SCEL: variants seen among roughly 807,000 people sequenced by gnomAD.
SCEL encodes sciellin.
A neutral mutation model predicts 117.6 loss-of-function variants in SCEL; 113 were observed. The ratio of observed to expected loss-of-function variants is 0.96; its 90% confidence interval spans 0.83 to 1.12. The LOEUF is 1.12. Among genes scored for constraint, SCEL ranks in the 50% most tolerant of loss-of-function variants. The pLI is 0.00. For missense variants in SCEL, 785 were observed against 810.8 expected, an observed-to-expected ratio of 0.97 and a Z score of 0.39; for synonymous variants, 270 against 256.2, an observed-to-expected ratio of 1.05 and a Z score of -0.51.
intron 30 of SCEL, among the ~76,000 whole-genome samples, chr13:77,640,140 C>CA (rs2090492059): frequency 6.6e-6 from 1 of 152,046 alleles, no homozygotes; most frequent in Non-Finnish European, 1.5e-5. Context: ...CTTACAGTGG[C>CA]ACCAAGAGGA....
chr13:77,564,236 A>G (rs948433713), intron 5 of SCEL, among the ~76,000 whole-genome samples: 2 of 148,692 alleles, frequency 1.3e-5, no homozygotes, highest in Admixed American at 6.7e-5. Context: ...TTGTTCCAAC[A>G]TTTGGTTCTT....
At chr13:77,589,099 A>AT (rs1371532134) in intron 9 of SCEL, 45 bp from the exon 10 acceptor site, 1 of 1,412,422 alleles carries the variant, frequency 7.1e-7, no homozygotes, top group Non-Finnish European at 1.0e-6. Context: ...GCTAAAATTT[A>AT]CCATGTTTCC....
intron 29 of SCEL, among the ~76,000 whole-genome samples, chr13:77,636,169 A>G (rs1469638791): frequency 1.3e-5 from 2 of 152,186 alleles, no homozygotes; most frequent in Admixed American, 6.6e-5. Flanking sequence ...TGGAGTCCCA[A>G]GAGTCATATT....
Position 77,556,059 on chromosome 13 carries a change from G to T in SCEL, c.43+141G>T, listed in dbSNP as rs534266187. The T allele has an allele frequency of 3.1e-4, 161 of 526,576 alleles. 2 individuals carry two copies. Among genetic ancestry groups the T allele is most frequent in the Non-Finnish European group, 3.3e-4 (101 of 301,572 alleles). 32.6% of individuals were successfully genotyped at this position (526,576 alleles called of 1,614,324 possible). On this transcript the variant is annotated intron_variant, in intron 2 of 32. Transcript: ENST00000349847. ...ATTAGCATTGCAAAGTTAGGCTTAAGAAAAAGTATACTTGTCGCAGCTTTT... is the reference window on the plus strand; with the variant it reads ...ATTAGCATTGCAAAGTTAGGCTTAATAAAAAGTATACTTGTCGCAGCTTTT...
intron 12 of SCEL, among the ~76,000 whole-genome samples, chr13:77,597,288 T>C (rs2087299135): frequency 6.6e-6 from 1 of 151,900 alleles, no homozygotes; most frequent in Non-Finnish European, 1.5e-5. Context: ...GTCACAGAAC[T>C]GTCATAAAGC....
chr13:77,601,458 C>T (rs1020101583), intron 15 of SCEL, among the ~76,000 whole-genome samples: 1 of 152,096 alleles, frequency 6.6e-6, no homozygotes, highest in African/African-American at 2.4e-5. Context: ...AATGGCAAAG[C>T]ATAATACTTG....
chr13:77,567,727 T>A lies in SCEL; in HGVS notation c.338T>A (p.Leu113Ter), dbSNP rs1051761885. 2 of 1,606,558 alleles carry A rather than the reference T, an allele frequency of 1.2e-6. No individual in the cohort carries two copies. The highest frequency in any genetic ancestry group is 1.7e-5 in the Admixed American group (1 of 58,628). The change falls in exon 6 of 33, where the codon TTG (leucine) becomes TAG (stop). Residue 113 changes from leucine to a stop codon, truncating the protein, a stop_gained. Coordinates refer to ENST00000349847, the MANE Select transcript of SCEL (RefSeq NM_144777.3). LOFTEE classifies it high-confidence loss of function. The part of the protein sequence containing the change: ...DAAKTYKANT[L>*]DNQLTNRSMS... Reference sequence around the variant, plus strand: ...GCTAAAACATATAAGGCCAATACCTTGGATAACCAACTAACCAATAGGTAC... The same window carrying A: ...GCTAAAACATATAAGGCCAATACCTAGGATAACCAACTAACCAATAGGTAC...
chr13:77,644,122 C>T, intron 32 of SCEL, 136 bp from the exon 33 acceptor site: 4 of 889,256 alleles, frequency 4.5e-6, no homozygotes, highest in East Asian at 2.6e-5. Flanking sequence ...AAAGCCACAG[C>T]GATTATTTCA....
rs2089147061 is a variant in SCEL, at chr13:77,617,580, A to G, written c.1452-19A>G. 1.3e-6 allele frequency: 2 copies of G among 1,515,216 alleles called. No individual in the cohort carries two copies. The highest frequency in any genetic ancestry group is 1.8e-6 in the Non-Finnish European group (2 of 1,104,950). The allele number at this position is 1,515,216 out of a possible 1,614,324, so 93.9% of individuals were successfully genotyped here. On this transcript the variant is annotated intron_variant, in intron 24 of 32. Coordinates refer to ENST00000349847, the MANE Select transcript of SCEL (RefSeq NM_144777.3). ...ATTATCTCTAACCCAAGTTGCTTTA[A>G]TATTTTTTCCACTTAAAGAAAACAA...
Position 77,599,756 on chromosome 13 carries a change from T to G in SCEL, c.917+8T>G. On this transcript the variant is annotated splice_region_variant and intron_variant, in intron 15 of 32. Transcript: ENST00000349847. ...AGATAAAGATGGCAAAGGGTAAGAT[T>G]TTATTAAGACAGACCATTTTGATTG... is the stretch of plus-strand genomic sequence containing the variant. 1 of 1,593,210 alleles carries G rather than the reference T, an allele frequency of 6.3e-7. No homozygotes were observed. Among genetic ancestry groups the G allele is most frequent in the Non-Finnish European group, 8.6e-7 (1 of 1,161,048 alleles).
chr13:77,625,448 A>G (rs1472563038), intron 27 of SCEL, among the ~76,000 whole-genome samples: 1 of 152,216 alleles, frequency 6.6e-6, no homozygotes, highest in African/African-American at 2.4e-5. Flanking sequence ...TATGTAGAAG[A>G]ATTCAGTTTT....
chr13:77,593,604 T>G, intron 12 of SCEL, 31 bp downstream of exon 12: 4 of 1,564,570 alleles, frequency 2.6e-6, no homozygotes, highest in Admixed American at 1.7e-5. Flanking sequence ...AGCTTGGGTT[T>G]TATCTTCCCT....
In SCEL at chr13:77,626,241, C is replaced by G. The variant is rs565640147; in HGVS notation, c.1629-1706C>G. On this transcript the variant is annotated intron_variant, in intron 27 of 32. Coordinates refer to ENST00000349847, the MANE Select transcript of SCEL (RefSeq NM_144777.3). ...ACCATCAGATCTCTTAGGACTTGTT[C>G]ACTACCACAGGAATAGTGAGGGGAC... is the stretch of plus-strand genomic sequence containing the variant. 2.0e-5 allele frequency among the ~76,000 whole-genome samples: 3 copies of G among 152,226 alleles called. No homozygotes were observed. In the East Asian group the frequency reaches 5.8e-4, roughly 29 times the overall value.
chr13:77,569,433 C>T lies in SCEL; in HGVS notation c.461C>T (p.Thr154Ile). ...ACCATAGCATCCACTTCTGCTACTA[C>T]TCCTGTAAAGAAGAAGAGGTAGGAT... ...SNTIASTSAT[T>I]PVKKKRQSWF... Residue 154 changes from threonine to isoleucine, a missense_variant, in exon 8 of 33, where the codon ACT becomes ATT. Transcript: ENST00000349847. 6.2e-7 allele frequency: 1 copy of T among 1,613,324 alleles called. No individual in the cohort carries two copies. The highest frequency in any genetic ancestry group is 2.2e-5 in the East Asian group (1 of 44,874).
chr13:77,581,700 TA>T (rs1474073911), intron 9 of SCEL, among the ~76,000 whole-genome samples: 2 of 152,218 alleles, frequency 1.3e-5, no homozygotes, highest in African/African-American at 4.8e-5. Context: ...TTTGATTTTT[TA>T]AAAAATTATT....
rs8002725 is a variant in SCEL, at chr13:77,613,943, A to G, written c.1439A>G (p.Lys480Arg). ...ATTAATGTCAGCCCCAAAGCTGTCA[A>G]AAACACTGATGGGTAAGAGATGGAT... ...EHINVSPKAV[K>R]NTDGKQDLDK... Residue 480 changes from lysine to arginine, a missense_variant, in exon 24 of 33, where the codon AAA becomes AGA. Transcript: ENST00000349847. 274,855 of 1,610,804 alleles carry G rather than the reference A, an allele frequency of 0.17. 25,946 individuals carry two copies. The highest frequency in any genetic ancestry group is 0.36 in the African/African-American group (27,011 of 74,746).
chr13:77,645,061 TATGAC>T lies in SCEL; in HGVS notation c.*791_*795del, dbSNP rs1268820183. 1 of 148,920 alleles carries T rather than the reference TATGAC, an allele frequency of 6.7e-6. No homozygotes were observed. The highest frequency in any genetic ancestry group is 1.5e-5 in the Non-Finnish European group (1 of 67,492). 9.2% of individuals were successfully genotyped at this position (148,920 alleles called of 1,614,324 possible). A position where few individuals can be genotyped will look rare whatever the true frequency, so the allele number is the denominator to read the frequency against. On this transcript the variant is annotated 3_prime_UTR_variant, in exon 33 of 33. Coordinates refer to ENST00000349847, the MANE Select transcript of SCEL (RefSeq NM_144777.3). ...ACAGATTGATGGGTAACAGGTAAAA[TATGAC>T]ATGTATAGCTTACATGTTATTATTT...
chr13:77,633,620 A>C (rs145646005), intron 28 of SCEL, among the ~76,000 whole-genome samples: 2 of 152,128 alleles, frequency 1.3e-5, no homozygotes, highest in East Asian at 3.9e-4. Flanking sequence ...TGGGTTCACC[A>C]ATGCTCTACA....
At chr13:77,588,003 T>G (rs2086659492) in intron 9 of SCEL, among the ~76,000 whole-genome samples, 1 of 152,180 alleles carries the variant, frequency 6.6e-6, no homozygotes, top group African/African-American at 2.4e-5. Flanking sequence ...CAGAGAGACC[T>G]TCCCAGTCCA....
Sources: allele counts gnomAD v4.1 joint callset (sites outside exome capture counted in the v4.1 genomes callset), GRCh38; gene constraint gnomAD v4.1.1; transcripts MANE v1.5; gene names NCBI Gene and HGNC (gene_info 2026-07-23, HGNC 2026-07-21).